Variants in EMP2 observed in about 807,000 individuals in gnomAD.
EMP2 encodes the protein epithelial membrane protein 2.
A neutral mutation model predicts 13.7 loss-of-function variants in EMP2; 19 were observed. The ratio of observed to expected loss-of-function variants is 1.38; its 90% CI spans 0.97 to 2.03. The LOEUF is 2.03. EMP2 is among the 30% of genes most tolerant of loss of function. The pLI, the probability that EMP2 is intolerant of heterozygous loss-of-function variation, is 0.00. For missense variants in EMP2, 253 were observed against 220.7 expected, an observed-to-expected ratio of 1.15 and a Z score of -0.93; for synonymous variants, 97 against 84.7, an observed-to-expected ratio of 1.15 and a Z score of -0.80.
rs755682736 is a variant in EMP2 at position 10,532,914 on chromosome 16, C to T, written c.495G>A (p.Lys165=). 1.9e-6 allele frequency: 3 copies of T among 1,538,918 alleles called. No homozygotes were observed. Among genetic ancestry groups the T allele is most frequent in the African/African-American group, 2.8e-5 (2 of 72,724 alleles). ...ACCCAGCTCCGGAACTCTATTTGCG[C>T]TTCCTCAGTATCAGGTACATCATGC... ...ISGMMYLILR[K]RK is the part of the protein sequence containing the mutation. Residue 165 remains lysine, a synonymous_variant, in exon 5 of 5, where the codon AAG becomes AAA. Coordinates refer to ENST00000359543, the MANE Select transcript of EMP2 (RefSeq NM_001424.6).
At chr16:10,551,164 C>G (rs1476868835) in intron 1 of EMP2, among the ~76,000 whole-genome samples, 1 of 152,134 alleles carries the variant, frequency 6.6e-6, no homozygotes, top group African/African-American at 2.4e-5. Flanking sequence ...CTTCCCCCAA[C>G]CCCCAGCAAC....
intron 1 of EMP2, among the ~76,000 whole-genome samples, chr16:10,553,589 G>A (rs2050805412): frequency 6.6e-6 from 1 of 151,906 alleles, no homozygotes; most frequent in East Asian, 1.9e-4. Context: ...GGAGCTGGGA[G>A]CTCCAGCAAG....
At chr16:10,577,727 G>T (rs2050993358) in intron 1 of EMP2, among the ~76,000 whole-genome samples, 1 of 151,940 alleles carries the variant, frequency 6.6e-6, no homozygotes, top group Non-Finnish European at 1.5e-5. Flanking sequence ...TCCTGCACAG[G>T]CATCCCGAGG....
rs543731969 is a variant in EMP2, at chr16:10,528,873, C to G, written c.*4032G>C. ...CCACTGTGTTTAGTGTGTTTACAAA[C>G]AGGCTTGGAGTTCTAGGTTTCTTCA... is the stretch of plus-strand genomic sequence containing the variant. On this transcript the variant is annotated 3_prime_UTR_variant, in exon 5 of 5. Coordinates refer to ENST00000359543, the MANE Select transcript of EMP2 (RefSeq NM_001424.6). 6.6e-6 allele frequency: 1 copy of G among 152,334 alleles called. No homozygotes were observed. The highest frequency in any genetic ancestry group is 1.9e-4 in the East Asian group (1 of 5,190). The allele number at this position is 152,334 out of a possible 1,614,324, so 9.4% of individuals were successfully genotyped here. A position where few individuals can be genotyped will look rare whatever the true frequency, so the allele number is the denominator to read the frequency against.
chr16:10,549,579 A>G (rs1032057897), intron 1 of EMP2, among the ~76,000 whole-genome samples: 4 of 152,140 alleles, frequency 2.6e-5, no homozygotes, highest in African/African-American at 9.7e-5. Context: ...TATTCCAATA[A>G]TTTGTGACGA....
Position 10,532,758 on chromosome 16 carries a change from C to CTTTTTTTTTTTTTTTTTTTTTTT in EMP2, c.*124_*146dup, listed in dbSNP as rs878927571. ...CTTTTGGATTTTTTTTTTCTTTTTT[C>CTTTTTTTTTTTTTTTTTTTTTTT]TTTTTTTTTTTTTTTTTTTTTTTTT... is the stretch of plus-strand genomic sequence containing the variant. On this transcript the variant is annotated 3_prime_UTR_variant, in exon 5 of 5. Coordinates refer to ENST00000359543, the MANE Select transcript of EMP2 (RefSeq NM_001424.6). The CTTTTTTTTTTTTTTTTTTTTTTT allele has an allele frequency of 2.7e-5, 5 of 182,526 alleles. No individual in the cohort carries two copies. The highest frequency in any genetic ancestry group is 8.4e-5 in the African/African-American group (2 of 23,710). 11.3% of individuals were successfully genotyped at this position (182,526 alleles called of 1,614,324 possible). A position where few individuals can be genotyped will look rare whatever the true frequency, so the allele number is the denominator to read the frequency against.
At chr16:10,548,411 C>CG (rs2050756224) in intron 1 of EMP2, among the ~76,000 whole-genome samples, 1 of 152,142 alleles carries the variant, frequency 6.6e-6, no homozygotes. Flanking sequence ...TAATCCCCAG[C>CG]TGGGCATGGT....
chr16:10,578,129 G>T (rs945626303), intron 1 of EMP2: 6 of 152,188 alleles, frequency 3.9e-5, no homozygotes. Context: ...GTCTGGCGGA[G>T]TTTACTATGA....
At chr16:10,540,413 G>A (rs2050685475) in intron 3 of EMP2, among the ~76,000 whole-genome samples, 1 of 152,098 alleles carries the variant, frequency 6.6e-6, no homozygotes, top group Admixed American at 6.5e-5. Context: ...GTTTGAGGCA[G>A]GAGGATGGCT....
chr16:10,553,788 C>G (rs1435891086), intron 1 of EMP2, among the ~76,000 whole-genome samples: 1 of 152,252 alleles, frequency 6.6e-6, no homozygotes, highest in Non-Finnish European at 1.5e-5. Flanking sequence ...CGCTTCCGGA[C>G]TTTCTGCGGC....
In EMP2 at chr16:10,562,054, A is replaced by AC. The variant is rs1423462895; in HGVS notation, c.-60-14378dup. 2.6e-5 allele frequency among the ~76,000 whole-genome samples: 4 copies of AC among 152,312 alleles called. No homozygotes were observed. In the East Asian group the frequency reaches 7.7e-4, roughly 29 times the overall value. On this transcript the variant is annotated intron_variant, in intron 1 of 4. Coordinates refer to ENST00000359543, the MANE Select transcript of EMP2 (RefSeq NM_001424.6). The stretch of plus-strand genomic sequence containing the variant: ...TCCAGGAAATTGAAGAGAAGGGGAC[A>AC]CCCCACCTCATTCTGTGAGGCCAGC...
chr16:10,575,237 C>CTTTTTTTTTTTTTTTTTTTTTTTTTTTTT lies in EMP2; in HGVS notation c.-61+5283_-61+5311dup, dbSNP rs761837614. ...TGGCCTTGGTCCTGGAGCTTGCATT[C>CTTTTTTTTTTTTTTTTTTTTTTTTTTTTT]TTTTTTTTTTTTTTTTTTTTTTTTT... On this transcript the variant is annotated intron_variant, in intron 1 of 4. Coordinates refer to ENST00000359543, the MANE Select transcript of EMP2 (RefSeq NM_001424.6). Among the ~76,000 whole-genome samples the CTTTTTTTTTTTTTTTTTTTTTTTTTTTTT allele has an allele frequency of 4.8e-4, 25 of 52,486 alleles. 5 individuals carry two copies. The highest frequency in any genetic ancestry group is 2.7e-3 in the East Asian group (4 of 1,456). 34.4% of individuals were successfully genotyped at this position (52,486 alleles called of 152,430 possible).
intron 1 of EMP2, among the ~76,000 whole-genome samples, chr16:10,567,978 G>A (rs1396536743): frequency 3.9e-5 from 6 of 152,230 alleles, no homozygotes; most frequent in African/African-American, 1.4e-4. Context: ...AAGTGGCAGA[G>A]CTGGGAGTGG....
chr16:10,554,927 C>G (rs2050816157), intron 1 of EMP2, among the ~76,000 whole-genome samples: 1 of 152,194 alleles, frequency 6.6e-6, no homozygotes, highest in South Asian at 2.1e-4. Context: ...TAGCCCATCC[C>G]CCTAGTTTAT....
At chr16:10,560,026 C>T (rs746211369) in intron 1 of EMP2, among the ~76,000 whole-genome samples, 7 of 152,136 alleles carry the variant, frequency 4.6e-5, no homozygotes, top group Admixed American at 4.6e-4. Context: ...AGACAACTTC[C>T]CCAATGTCAC....
chr16:10,566,585 T>A (rs2050908278), intron 1 of EMP2, among the ~76,000 whole-genome samples: 1 of 152,198 alleles, frequency 6.6e-6, no homozygotes, highest in Admixed American at 6.5e-5. Context: ...CACCCCAGCA[T>A]CATGAATCCC....
rs2050617971 is a variant in EMP2, at chr16:10,532,890, C to T, written c.*15G>A. 6.9e-7 allele frequency: 1 copy of T among 1,441,938 alleles called. No individual in the cohort carries two copies. The highest frequency in any genetic ancestry group is 9.2e-7 in the Non-Finnish European group (1 of 1,087,066). 89.3% of individuals were successfully genotyped at this position (1,441,938 alleles called of 1,614,324 possible). ...GGATTCTGTACTGCAGCAGAAGCAA[C>T]CCAGCTCCGGAACTCTATTTGCGCT... On this transcript the variant is annotated 3_prime_UTR_variant, in exon 5 of 5. Transcript: ENST00000359543.
In EMP2 at chr16:10,532,907, A is replaced by G. The variant is rs1280978821; in HGVS notation, c.502T>C (p.Ter168GlnextTer27). Residue 168 changes from the stop codon to glutamine, a stop_lost, in exon 5 of 5, where the codon TAG (stop) becomes CAG (glutamine). Coordinates refer to ENST00000359543, the MANE Select transcript of EMP2 (RefSeq NM_001424.6). ...AGAAGCAACCCAGCTCCGGAACTCT[A>G]TTTGCGCTTCCTCAGTATCAGGTAC... ...MMYLILRKRK[*>Q] is the part of the protein sequence containing the mutation. 8 of 1,526,368 alleles carry G rather than the reference A, an allele frequency of 5.2e-6. No homozygotes were observed. The highest frequency in any genetic ancestry group is 7.1e-6 in the Non-Finnish European group (8 of 1,131,208). 94.6% of individuals were successfully genotyped at this position (1,526,368 alleles called of 1,614,324 possible).
intron 1 of EMP2, among the ~76,000 whole-genome samples, chr16:10,571,500 T>C (rs548481127): frequency 1.3e-5 from 2 of 152,116 alleles, no homozygotes; most frequent in East Asian, 3.9e-4. Flanking sequence ...CCCCAGGAGA[T>C]TCGGAAGGTC....
Sources: allele counts gnomAD v4.1 joint callset (sites outside exome capture counted in the v4.1 genomes callset), GRCh38; gene constraint gnomAD v4.1.1; transcripts MANE v1.5; gene names NCBI Gene and HGNC (gene_info 2026-07-23, HGNC 2026-07-21).